FNBP1: variants seen among roughly 807,000 people sequenced by gnomAD.
FNBP1 encodes formin-binding protein 1.
FNBP1 carries 26 observed loss-of-function variants against 90.6 expected under a neutral mutation model. That is an observed-to-expected ratio of 0.29 (90% confidence interval 0.21 to 0.40). The LOEUF (loss-of-function observed/expected upper bound fraction) is 0.40. Ranked by LOEUF, FNBP1 falls within the 10% of genes least tolerant of loss-of-function variation. The pLI is 1.00. For synonymous variants in FNBP1, 260 were observed against 265.2 expected (o/e 0.98, Z 0.19); for missense variants, 635 against 768.0 (o/e 0.83, Z 2.05).
chr9:130,004,372 C>G (rs145112889), intron 1 of FNBP1, among the ~76,000 whole-genome samples: 1,708 of 152,260 alleles, frequency 0.011, 22 homozygotes, highest in Middle Eastern at 0.054. Context: ...GCACAGACTC[C>G]AGGAAAGGGG....
intron 9 of FNBP1, among the ~76,000 whole-genome samples, chr9:129,924,697 G>C (rs116889582): frequency 0.011 from 1,604 of 152,290 alleles, 14 homozygotes; most frequent in South Asian, 0.017. Context: ...AGGAGGGAAA[G>C]GCATGAGGCG....
At chr9:129,995,615 G>T (rs1739378802) in intron 1 of FNBP1, among the ~76,000 whole-genome samples, 1 of 152,202 alleles carries the variant, frequency 6.6e-6, no homozygotes. Flanking sequence ...TAAATTAGCT[G>T]GGCATGGTGT....
chr9:130,052,664 C>A, the FNBP1 span, among the ~76,000 whole-genome samples: 1 of 151,936 alleles, frequency 6.6e-6, no homozygotes, highest in African/African-American at 2.4e-5. Context: ...GAACAACTGA[C>A]TTTCAAGTGA....
At chr9:130,046,700 G>A (rs150987287), upstream of FNBP1, among the ~76,000 whole-genome samples, 173 of 150,686 alleles carry the variant, frequency 1.1e-3, 1 homozygote, top group East Asian at 0.031. Flanking sequence ...CCCAGGAGGC[G>A]GAGGGTGCGG....
chr9:129,889,718 C>T lies in FNBP1; in HGVS notation c.*821G>A. 1 of 232,232 alleles carries T rather than the reference C, an allele frequency of 4.3e-6. No individual in the cohort carries two copies. The highest frequency in any genetic ancestry group is 8.5e-6 in the Non-Finnish European group (1 of 117,430). 14.4% of individuals were successfully genotyped at this position (232,232 alleles called of 1,614,324 possible). On this transcript the variant is annotated 3_prime_UTR_variant, in exon 17 of 17. Coordinates refer to ENST00000446176, the MANE Select transcript of FNBP1 (RefSeq NM_015033.3). ...GCTCACAAGCGCATGATCTACAGTT[C>T]TCAGGGACAGGAAAGTGATGGGGAG...
chr9:130,041,874 A>T lies in FNBP1; in HGVS notation c.24+1078T>A, dbSNP rs1301876775. 6.6e-6 allele frequency among the ~76,000 whole-genome samples: 1 copy of T among 152,192 alleles called. No individual in the cohort carries two copies. Among genetic ancestry groups the T allele is most frequent in the African/African-American group, 2.4e-5 (1 of 41,446 alleles). ...TTTCTTGGCCTCATCTCAGATAGCA[A>T]CACCACCCTACACTTTCTCCTCCAC... On this transcript the variant is annotated intron_variant, in intron 1 of 16. Coordinates refer to ENST00000446176, the MANE Select transcript of FNBP1 (RefSeq NM_015033.3). This position sits in a 1 kb window ranked among gnomAD's most constrained non-coding sequence, Gnocchi z 4.3.
chr9:129,908,805 A>G (rs1197729638), intron 12 of FNBP1, 85 bp downstream of exon 12: 1 of 820,276 alleles, frequency 1.2e-6, no homozygotes, highest in African/African-American at 1.7e-5. Context: ...CACCCACCGC[A>G]GCCTCCCAAA....
intron 4 of FNBP1, among the ~76,000 whole-genome samples, chr9:129,965,458 G>A (rs1271957448): frequency 6.6e-6 from 1 of 152,054 alleles, no homozygotes; most frequent in Non-Finnish European, 1.5e-5. Context: ...CTCCTTCTCT[G>A]GCTACTCCTC....
intron 11 of FNBP1, among the ~76,000 whole-genome samples, chr9:129,913,851 CT>C (rs1047375552): frequency 2.0e-5 from 3 of 149,484 alleles, no homozygotes; most frequent in Admixed American, 6.8e-5. Flanking sequence ...TGTAATACTA[CT>C]TTTTCAGATT....
chr9:130,052,103 AG>A, the FNBP1 span, among the ~76,000 whole-genome samples: 2 of 152,236 alleles, frequency 1.3e-5, no homozygotes, highest in Non-Finnish European at 2.9e-5. Context: ...GAATTTAAGA[AG>A]TAACTGTAGA....
intron 1 of FNBP1, among the ~76,000 whole-genome samples, chr9:130,023,144 T>C (rs909923253): frequency 4.0e-5 from 6 of 151,872 alleles, no homozygotes; most frequent in Non-Finnish European, 7.4e-5. Flanking sequence ...TACTCATAAA[T>C]GCTTGATAGC....
chr9:129,973,172 C>A (rs776109140), intron 4 of FNBP1, among the ~76,000 whole-genome samples: 1 of 152,192 alleles, frequency 6.6e-6, no homozygotes, highest in Non-Finnish European at 1.5e-5. Flanking sequence ...GAACACAGAA[C>A]TTATGTGGCC....
At position 130,041,842 on chromosome 9, in the gene FNBP1, T is replaced by C. The variant is rs1237845167; in HGVS notation, c.24+1110A>G. On this transcript the variant is annotated intron_variant, in intron 1 of 16. Transcript: ENST00000446176. The surrounding 1 kb of genome is among the most constrained non-coding windows in gnomAD (Gnocchi z 4.3). ...TTGCTCTAACCTTGTTTTATTTTGATATGAGATTTCTTGGCCTCATCTCAG... is the reference window on the plus strand; with the variant it reads ...TTGCTCTAACCTTGTTTTATTTTGACATGAGATTTCTTGGCCTCATCTCAG... Among the ~76,000 whole-genome samples the C allele has an allele frequency of 6.6e-6, 1 of 152,182 alleles. No individual in the cohort carries two copies. Among genetic ancestry groups the C allele is most frequent in the African/African-American group, 2.4e-5 (1 of 41,442 alleles).
rs1189054849 is a variant in FNBP1 at position 130,042,594 on chromosome 9, C to T, written c.24+358G>A. On this transcript the variant is annotated intron_variant, in intron 1 of 16. Transcript: ENST00000446176. The surrounding 1 kb of genome is among the most constrained non-coding windows in gnomAD (Gnocchi z 5.5). Reference sequence around the variant, plus strand: ...CGCAGCCGGGGCCTCCACGCCCCCACGCCCGGTCCCGGCCCTCCCCGGGCA... The same window carrying T: ...CGCAGCCGGGGCCTCCACGCCCCCATGCCCGGTCCCGGCCCTCCCCGGGCA... Among the ~76,000 whole-genome samples, 1 of 151,722 alleles carries T rather than the reference C, an allele frequency of 6.6e-6. No individual in the cohort carries two copies. The highest frequency in any genetic ancestry group is 2.0e-4 in the East Asian group (1 of 5,124).
chr9:129,974,236 A>C (rs2049956696), intron 4 of FNBP1, among the ~76,000 whole-genome samples: 1 of 152,048 alleles, frequency 6.6e-6, no homozygotes, highest in African/African-American at 2.4e-5. Context: ...GCCTACAAAC[A>C]CGCACTGCCC....
chr9:129,927,122 A>C, intron 8 of FNBP1, 73 bp downstream of exon 8: 5 of 1,505,972 alleles, frequency 3.3e-6, no homozygotes, highest in Non-Finnish European at 4.6e-6. Flanking sequence ...ACATGAGGTC[A>C]AATGGAAAGG....
At chr9:129,934,588 T>TC (rs2043174824) in intron 6 of FNBP1, among the ~76,000 whole-genome samples, 1 of 151,612 alleles carries the variant, frequency 6.6e-6, no homozygotes, top group Non-Finnish European at 1.5e-5. Flanking sequence ...TTTTTTTTTT[T>TC]TGAGACAGAG....
chr9:130,001,003 T>G (rs1335408984), intron 1 of FNBP1, among the ~76,000 whole-genome samples: 1 of 152,104 alleles, frequency 6.6e-6, no homozygotes, highest in Non-Finnish European at 1.5e-5. Context: ...ACTGTTTCAT[T>G]AAGAACATTT....
At chr9:129,931,542 C>T (rs2042741788) in intron 6 of FNBP1, among the ~76,000 whole-genome samples, 1 of 151,756 alleles carries the variant, frequency 6.6e-6, no homozygotes, top group South Asian at 2.1e-4. Flanking sequence ...GGAGGCGGAG[C>T]TTGCAATGAG....
Sources: allele counts gnomAD v4.1 joint callset (sites outside exome capture counted in the v4.1 genomes callset), GRCh38; gene constraint gnomAD v4.1.1; non-coding constraint Gnocchi (gnomAD v3.1); transcripts MANE v1.5; gene names NCBI Gene and HGNC (gene_info 2026-07-23, HGNC 2026-07-21).